Variants in STXBP5 observed in about 807,000 individuals in gnomAD.
STXBP5 encodes the protein syntaxin binding protein 5.
A neutral mutation model predicts 152.4 loss-of-function variants in STXBP5; 50 were observed. That is an observed-to-expected ratio of 0.33 (90% CI 0.26 to 0.42). The LOEUF is 0.42. Ranked by LOEUF, STXBP5 falls within the 10% of genes least tolerant of loss-of-function variation. STXBP5 has a pLI of 1.00. For missense variants in STXBP5, 1,167 were observed against 1,388.6 expected (o/e 0.84, Z 2.54); for synonymous variants, 492 against 494.7 (o/e 0.99, Z 0.07).
chr6:147,271,199 C>T (rs1780147500), intron 7 of STXBP5, among the ~76,000 whole-genome samples: 1 of 151,870 alleles, frequency 6.6e-6, no homozygotes, highest in Non-Finnish European at 1.5e-5. Context: ...AAGATCTAAC[C>T]ACATACTGTC....
chr6:147,373,636 T>G, intron 25 of STXBP5, 95 bp from the exon 26 acceptor site: 1 of 809,814 alleles, frequency 1.2e-6, no homozygotes, highest in Non-Finnish European at 2.1e-6. Context: ...GGTAATGTTC[T>G]GAGCTTAAGT....
Position 147,244,328 on chromosome 6 carries a change from G to A in STXBP5, c.431+5058G>A, listed in dbSNP as rs114754001. 9.4e-3 allele frequency among the ~76,000 whole-genome samples: 1,430 copies of A among 152,260 alleles called. 8 individuals carry two copies. The highest frequency in any genetic ancestry group is 0.03 in the African/African-American group (1,232 of 41,550). On this transcript the variant is annotated intron_variant, in intron 4 of 27. Transcript: ENST00000321680. ...TAGTTTTGTAGCAAGTTGAAGATGG[G>A]TAGTGTCAGCCCTCCGACTTTGGTC...
rs1583024471 is a variant in STXBP5, at chr6:147,386,273, T to C, written c.*1518T>C. 1 of 151,956 alleles carries C rather than the reference T, an allele frequency of 6.6e-6. No individual in the cohort carries two copies. The allele number at this position is 151,956 out of a possible 1,614,324, so 9.4% of individuals were successfully genotyped here. ...AAAATTCCTTTAAATGATTTTGTTTTTTCATTAAGAGATAATCAGAGCACA... is the reference window on the plus strand; with the variant it reads ...AAAATTCCTTTAAATGATTTTGTTTCTTCATTAAGAGATAATCAGAGCACA... On this transcript the variant is annotated 3_prime_UTR_variant, in exon 28 of 28. Coordinates refer to ENST00000321680, the MANE Select transcript of STXBP5 (RefSeq NM_001127715.4).
chr6:147,262,336 C>A lies in STXBP5; in HGVS notation c.613C>A (p.Pro205Thr). The A allele has an allele frequency of 6.4e-7, 1 of 1,559,584 alleles. No homozygotes were observed. Among genetic ancestry groups the A allele is most frequent in the Non-Finnish European group, 8.6e-7 (1 of 1,157,900 alleles). The change falls in exon 6 of 28, where the codon CCA becomes ACA. Residue 205 changes from proline (P) to threonine (T), a missense_variant. Transcript: ENST00000321680. The part of the protein sequence containing the change: ...PGPVVHISDN[P>T]MDEGKLLIGF... ...ACCTGTGGTCCATATAAGTGATAAT[C>A]CAATGGACGAGGGAAAGGTAGAATT...
At chr6:147,351,972 G>T (rs1784606378) in intron 21 of STXBP5, 1 of 858,660 alleles carries the variant, frequency 1.2e-6, no homozygotes, top group Non-Finnish European at 1.4e-6. Context: ...AATGCTTTTT[G>T]AAAATTTCAC....
intron 18 of STXBP5, among the ~76,000 whole-genome samples, chr6:147,333,401 G>A (rs1392854590): frequency 6.6e-6 from 1 of 152,122 alleles, no homozygotes. Context: ...GGGCGCACCT[G>A]TAGTCCCAGC....
At chr6:147,272,906 A>C (rs988553693) in intron 7 of STXBP5, among the ~76,000 whole-genome samples, 3 of 150,394 alleles carry the variant, frequency 2.0e-5, no homozygotes, top group Non-Finnish European at 1.5e-5. Flanking sequence ...ACTCTACTCT[A>C]CTCTCCCCTG....
intron 25 of STXBP5, among the ~76,000 whole-genome samples, chr6:147,365,167 A>G (rs1192281369): frequency 2.0e-5 from 3 of 152,190 alleles, no homozygotes; most frequent in African/African-American, 7.2e-5. Flanking sequence ...AAGCTATACT[A>G]TACTGGAAAC....
At chr6:147,232,074 GT>G (rs1220281826) in intron 2 of STXBP5, among the ~76,000 whole-genome samples, 1 of 151,812 alleles carries the variant, frequency 6.6e-6, no homozygotes, top group Non-Finnish European at 1.5e-5. Flanking sequence ...CCTCACTGCA[GT>G]TCTGCAAGCT....
In STXBP5 at chr6:147,204,481, G is replaced by T; in HGVS notation, c.-52G>T. 6.3e-7 allele frequency: 1 copy of T among 1,586,908 alleles called. No individual in the cohort carries two copies. Among genetic ancestry groups the T allele is most frequent in the Non-Finnish European group, 8.6e-7 (1 of 1,168,054 alleles). ...CGGCCCCGGGTGGTCTCCCCCGCCC[G>T]GGGACCCCCTGTGCCTCCCCTCCCG... On this transcript the variant is annotated 5_prime_UTR_variant, in exon 1 of 28. Coordinates refer to ENST00000321680, the MANE Select transcript of STXBP5 (RefSeq NM_001127715.4). The surrounding 1 kb of genome is among the most constrained non-coding windows in gnomAD (Gnocchi z 4.3).
At chr6:147,228,385 CTTGT>C (rs1777835660) in intron 2 of STXBP5, among the ~76,000 whole-genome samples, 1 of 151,734 alleles carries the variant, frequency 6.6e-6, no homozygotes. Flanking sequence ...CAAGTGGTCG[CTTGT>C]TTGTTTTTTT....
chr6:147,212,724 A>G lies in STXBP5; in HGVS notation c.248+6656A>G, dbSNP rs927901680. Among the ~76,000 whole-genome samples, 24 of 152,332 alleles carry G rather than the reference A, an allele frequency of 1.6e-4. No individual in the cohort carries two copies. The East Asian group carries it at 3.7e-3, about 23-fold the overall frequency. Reference sequence around the variant, plus strand: ...AGCTTTGTGTCCATTGACTACATTCATAATCCAAGTCAGTAGAAGCACAAG... The same window carrying G: ...AGCTTTGTGTCCATTGACTACATTCGTAATCCAAGTCAGTAGAAGCACAAG... On this transcript the variant is annotated intron_variant, in intron 2 of 27. Transcript: ENST00000321680.
rs1174676160 is a variant in STXBP5, at chr6:147,389,003, TG to T, written c.*4254del. 3 of 151,700 alleles carry T rather than the reference TG, an allele frequency of 2.0e-5. No individual in the cohort carries two copies. The highest frequency in any genetic ancestry group is 7.2e-5 in the African/African-American group (3 of 41,514). 9.4% of individuals were successfully genotyped at this position (151,700 alleles called of 1,614,324 possible). A position where few individuals can be genotyped will look rare whatever the true frequency, so the allele number is the denominator to read the frequency against. On this transcript the variant is annotated 3_prime_UTR_variant, in exon 28 of 28. Transcript: ENST00000321680. ...TAGACTTTTTAATCTGTATTTACTT[TG>T]GGGGGAAAAAAGCACTCCTATATCT...
At chr6:147,329,821 G>A (rs933127239) in intron 18 of STXBP5, among the ~76,000 whole-genome samples, 1 of 151,742 alleles carries the variant, frequency 6.6e-6, no homozygotes, top group Non-Finnish European at 1.5e-5. Flanking sequence ...TAGAGACGGG[G>A]TTTCACCGTG....
At chr6:147,226,014 C>T (rs1264556874) in intron 2 of STXBP5, among the ~76,000 whole-genome samples, 3 of 152,004 alleles carry the variant, frequency 2.0e-5, no homozygotes, top group African/African-American at 7.3e-5. Context: ...CTAATCTTAC[C>T]TAAGAAGATA....
At chr6:147,324,919 T>G (rs1289675580) in intron 16 of STXBP5, 40 bp from the exon 17 acceptor site, 1 of 1,425,844 alleles carries the variant, frequency 7.0e-7, no homozygotes, top group South Asian at 1.7e-5. Context: ...GGCCAATAGT[T>G]GAAAATGGTT....
At chr6:147,367,218 A>G (rs1355217925) in intron 25 of STXBP5, among the ~76,000 whole-genome samples, 3 of 152,232 alleles carry the variant, frequency 2.0e-5, no homozygotes, top group Admixed American at 2.0e-4. Flanking sequence ...AAGAAAAGAT[A>G]GTGTACTTGA....
intron 9 of STXBP5, among the ~76,000 whole-genome samples, chr6:147,297,393 A>G (rs1212283255): frequency 1.3e-5 from 2 of 152,198 alleles, no homozygotes; most frequent in Admixed American, 6.5e-5. Context: ...ACTCTTTCCC[A>G]GACAAGGAAA....
Position 147,255,946 on chromosome 6 carries a change from A to C in STXBP5, c.432-4669A>C, listed in dbSNP as rs1286543934. On this transcript the variant is annotated intron_variant, in intron 4 of 27. Coordinates refer to ENST00000321680, the MANE Select transcript of STXBP5 (RefSeq NM_001127715.4). The stretch of plus-strand genomic sequence containing the variant: ...TTTTTTGGACTGTAGACTATCATAC[A>C]AATTGCAGATTATTTCCTTGCTGTA... Among the ~76,000 whole-genome samples the C allele has an allele frequency of 3.9e-5, 6 of 152,232 alleles. No individual in the cohort carries two copies. The East Asian group carries it at 1.2e-3, about 29-fold the overall frequency.
Sources: allele counts gnomAD v4.1 joint callset (sites outside exome capture counted in the v4.1 genomes callset), GRCh38; gene constraint gnomAD v4.1.1; non-coding constraint Gnocchi (gnomAD v3.1); transcripts MANE v1.5; gene names NCBI Gene and HGNC (gene_info 2026-07-23, HGNC 2026-07-21).